Variants in ATP1A1 observed in about 807,000 individuals in gnomAD.
ATP1A1 encodes the protein ATPase Na+/K+ transporting subunit alpha 1, also known as sodium/potassium-transporting ATPase subunit alpha-1.
In ATP1A1, 14 loss-of-function variants were observed where a neutral mutation model predicts 114.8. The ratio of observed to expected loss-of-function variants is 0.12; its 90% CI spans 0.08 to 0.19. The LOEUF is 0.19. Among genes scored for constraint, ATP1A1 ranks in the 10% least tolerant of loss-of-function variants. ATP1A1 has a pLI of 1.00. For synonymous variants in ATP1A1, 471 were observed against 466.3 expected, an observed-to-expected ratio of 1.01 and a Z score of -0.13; for missense variants, 524 against 1,290.7, an observed-to-expected ratio of 0.41 and a Z score of 9.10.
chr1:116,383,983 A>G, intron 1 of ATP1A1, 31 bp from the exon 2 acceptor site: 1 of 1,579,506 alleles, frequency 6.3e-7, no homozygotes, highest in Non-Finnish European at 8.7e-7. Flanking sequence ...TTCATAATTC[A>G]TGGCCTCACT....
chr1:116,396,453 T>C (rs1652940934), intron 13 of ATP1A1, 145 bp from the exon 14 acceptor site: 1 of 1,038,398 alleles, frequency 9.6e-7, no homozygotes, highest in African/African-American at 1.7e-5. Context: ...GGCTAATCGA[T>C]GTTTATTAGT....
In ATP1A1 at chr1:116,387,628, T is replaced by G; in HGVS notation, c.387+137T>G. ...TTACTTAATGGTTATGAACAGCTGTTGCCTTCAAGGCTCATCCATTCTTCC... is the reference window on the plus strand; with the variant it reads ...TTACTTAATGGTTATGAACAGCTGTGGCCTTCAAGGCTCATCCATTCTTCC... On this transcript the variant is annotated intron_variant, in intron 4 of 22. Transcript: ENST00000295598. This position sits in a 1 kb window ranked among gnomAD's most constrained non-coding sequence, Gnocchi z 6.7. 1.5e-5 allele frequency: 14 copies of G among 937,394 alleles called. No homozygotes were observed. Among genetic ancestry groups the G allele is most frequent in the Non-Finnish European group, 2.0e-5 (13 of 634,160 alleles). 58.1% of individuals were successfully genotyped at this position (937,394 alleles called of 1,614,324 possible).
At chr1:116,373,638 G>A (rs1004802236) in intron 1 of ATP1A1, 115 bp downstream of exon 1, 6 of 1,196,294 alleles carry the variant, frequency 5.0e-6, no homozygotes, top group Middle Eastern at 2.5e-4. Context: ...GCGGCGCCGC[G>A]TGGAGTGGGC....
In ATP1A1 at chr1:116,389,745, CTTGCACGAATG is replaced by C. The variant is rs1382300414; in HGVS notation, c.1023+41_1023+51del. The C allele has an allele frequency of 6.2e-7, 1 of 1,610,998 alleles. No homozygotes were observed. Among genetic ancestry groups the C allele is most frequent in the African/African-American group, 1.3e-5 (1 of 74,880 alleles). ...TGATGGTCACCCTGACTCAGATCAG[CTTGCACGAATG>C]TTACACTCTTCCGCTATCCTATTCT... On this transcript the variant is annotated intron_variant, in intron 8 of 22. Transcript: ENST00000295598. The surrounding 1 kb of genome is among the most constrained non-coding windows in gnomAD (Gnocchi z 6.9).
chr1:116,390,060 T>TGA lies in ATP1A1; in HGVS notation c.1024-152_1024-151insAG, dbSNP rs1293301040. ...TTTCTGGAAGGAAGGGGAAGCCTCA[T>TGA]GTATGGGTTCCCCTTATTATTTCTT... On this transcript the variant is annotated intron_variant, in intron 8 of 22. Coordinates refer to ENST00000295598, the MANE Select transcript of ATP1A1 (RefSeq NM_000701.8). The TGA allele has an allele frequency of 2.5e-5, 20 of 802,940 alleles. No individual in the cohort carries two copies. In the African/African-American group the frequency reaches 3.3e-4, roughly 13 times the overall value. The allele number at this position is 802,940 out of a possible 1,614,324, so 49.7% of individuals were successfully genotyped here.
chr1:116,376,226 T>C (rs1419253955), intron 1 of ATP1A1, among the ~76,000 whole-genome samples: 1 of 152,176 alleles, frequency 6.6e-6, no homozygotes, highest in East Asian at 1.9e-4. Context: ...AAATAAATCA[T>C]AGCTTATGAG....
At chr1:116,380,247 T>A (rs189097709) in intron 1 of ATP1A1, among the ~76,000 whole-genome samples, 86 of 152,344 alleles carry the variant, frequency 5.6e-4, no homozygotes, top group African/African-American at 2.0e-3. Flanking sequence ...ATTGGCAGAC[T>A]CAACACCATT....
chr1:116,380,024 G>A (rs766812698), intron 1 of ATP1A1, among the ~76,000 whole-genome samples: 7 of 152,180 alleles, frequency 4.6e-5, no homozygotes, highest in African/African-American at 1.4e-4. Flanking sequence ...CTTCTTGCCC[G>A]TCAAAAGCTT....
In ATP1A1 at chr1:116,397,285, G is replaced by A. The variant is rs12132483; in HGVS notation, c.1973+551G>A. On this transcript the variant is annotated intron_variant, in intron 14 of 22. Transcript: ENST00000295598. This position sits in a 1 kb window ranked among gnomAD's most constrained non-coding sequence, Gnocchi z 4.2. ...TATGTTACGGTTAGAGGAGGGTTTG[G>A]TCTTGTATCAGCTCTGCCACTTTCT... Among the ~76,000 whole-genome samples, 1,347 of 152,224 alleles carry A rather than the reference G, an allele frequency of 8.8e-3. 7 individuals are homozygous for A. Among genetic ancestry groups the A allele is most frequent in the African/African-American group, 0.017 (714 of 41,534 alleles).
Position 116,389,714 on chromosome 1 carries a change from G to A in ATP1A1, c.1023+7G>A. The stretch of plus-strand genomic sequence containing the variant: ...TTTGCTGGCCACTGTCACGGTAAGA[G>A]GCAGGTGATGGTCACCCTGACTCAG... On this transcript the variant is annotated splice_region_variant and intron_variant, in intron 8 of 22. Coordinates refer to ENST00000295598, the MANE Select transcript of ATP1A1 (RefSeq NM_000701.8). The surrounding 1 kb of genome is among the most constrained non-coding windows in gnomAD (Gnocchi z 6.9). The A allele has an allele frequency of 6.2e-7, 1 of 1,613,916 alleles. No individual in the cohort carries two copies.
chr1:116,403,458 C>T (rs1653695331), intron 21 of ATP1A1, among the ~76,000 whole-genome samples: 1 of 152,186 alleles, frequency 6.6e-6, no homozygotes, highest in Non-Finnish European at 1.5e-5. Context: ...CTGGTTTTGA[C>T]CCACACTGGC....
At chr1:116,377,996 C>T (rs988055859) in intron 1 of ATP1A1, among the ~76,000 whole-genome samples, 9 of 152,184 alleles carry the variant, frequency 5.9e-5, no homozygotes, top group Non-Finnish European at 8.8e-5. Flanking sequence ...AACTTTCTCA[C>T]GTTGCTATGA....
chr1:116,387,329 T>A lies in ATP1A1; in HGVS notation c.225T>A (p.Asp75Glu). ...SARAAEILAR[D>E]GPNALTPPPT... ...GTGCAGCTGAGATCCTGGCGCGAGA[T>A]GGTCCCAACGCCCTCACTCCCCCTC... The change falls in exon 4 of 23, where the codon GAT becomes GAA. Residue 75 changes from aspartate (D) to glutamate (E), a missense_variant. This residue lies in a region of ATP1A1 where 141 missense variants were observed against 316.6 expected (regional missense o/e 0.45). Transcript: ENST00000295598. This position sits in a 1 kb window ranked among gnomAD's most constrained non-coding sequence, Gnocchi z 6.7. The A allele has an allele frequency of 6.2e-7, 1 of 1,614,206 alleles. No homozygotes were observed. The highest frequency in any genetic ancestry group is 1.1e-5 in the South Asian group (1 of 91,082).
At chr1:116,403,752 AGTT>A (rs1415172933) in intron 21 of ATP1A1, 129 bp from the exon 22 acceptor site, 1 of 728,866 alleles carries the variant, frequency 1.4e-6, no homozygotes, top group Admixed American at 2.4e-5. Flanking sequence ...ATGACTCAGT[AGTT>A]AACTGTGACT....
At position 116,385,071 on chromosome 1, in the gene ATP1A1, G is replaced by T. The variant is rs1651995694; in HGVS notation, c.183+229G>T. On this transcript the variant is annotated intron_variant, in intron 3 of 22. Transcript: ENST00000295598. This position sits in a 1 kb window ranked among gnomAD's most constrained non-coding sequence, Gnocchi z 4.3. ...ATTTTCTTTTCCCTATTTTATAGCAGTTGAGAGCCAGTAAGTGGGAACACC... is the reference window on the plus strand; with the variant it reads ...ATTTTCTTTTCCCTATTTTATAGCATTTGAGAGCCAGTAAGTGGGAACACC... The T allele has an allele frequency of 2.1e-6, 1 of 480,576 alleles. No individual in the cohort carries two copies. Among genetic ancestry groups the T allele is most frequent in the Admixed American group, 4.3e-5 (1 of 23,154 alleles). The allele number at this position is 480,576 out of a possible 1,614,324, so 29.8% of individuals were successfully genotyped here. A position where few individuals can be genotyped will look rare whatever the true frequency, so the allele number is the denominator to read the frequency against.
chr1:116,390,529 C>CTTTTTTTTTT (rs1261190970), intron 9 of ATP1A1, 118 bp downstream of exon 9: 42 of 911,690 alleles, frequency 4.6e-5, no homozygotes, highest in African/African-American at 3.4e-4. Context: ...CTTTTTCTTT[C>CTTTTTTTTTT]TTTTTTGTTT....
chr1:116,397,706 T>C lies in ATP1A1; in HGVS notation c.1974-182T>C, dbSNP rs1653047262. On this transcript the variant is annotated intron_variant, in intron 14 of 22. Transcript: ENST00000295598. The surrounding 1 kb of genome is among the most constrained non-coding windows in gnomAD (Gnocchi z 4.2). ...ATCATGAGCCTCAAATGAGATAAAA[T>C]ATATGAAAATGCTCTGTAACCTGTA... is the stretch of plus-strand genomic sequence containing the variant. Among the ~76,000 whole-genome samples, 2 of 152,166 alleles carry C rather than the reference T, an allele frequency of 1.3e-5. No individual in the cohort carries two copies. The highest frequency in any genetic ancestry group is 4.8e-5 in the African/African-American group (2 of 41,446).
In ATP1A1 at chr1:116,381,401, ATTAAG is replaced by A. The variant is rs1651733504; in HGVS notation, c.13-2609_13-2605del. Among the ~76,000 whole-genome samples, 1 of 152,240 alleles carries A rather than the reference ATTAAG, an allele frequency of 6.6e-6. No individual in the cohort carries two copies. The highest frequency in any genetic ancestry group is 2.1e-4 in the South Asian group (1 of 4,830). On this transcript the variant is annotated intron_variant, in intron 1 of 22. Transcript: ENST00000295598. This position sits in a 1 kb window ranked among gnomAD's most constrained non-coding sequence, Gnocchi z 5.1. Reference sequence around the variant, plus strand: ...TTGGTTCCCACAAGAATAAGCTAATATTAAGTTATTATTTTACTTGTGGAGAAGAA... The same window carrying A: ...TTGGTTCCCACAAGAATAAGCTAATATTATTATTTTACTTGTGGAGAAGAA...
intron 3 of ATP1A1, among the ~76,000 whole-genome samples, chr1:116,386,348 C>A (rs1008074314): frequency 6.6e-6 from 1 of 152,022 alleles, no homozygotes; most frequent in Non-Finnish European, 1.5e-5. Flanking sequence ...TCTCTCCGAC[C>A]TATGCCCATT....
Sources: allele counts gnomAD v4.1 joint callset (sites outside exome capture counted in the v4.1 genomes callset), GRCh38; gene constraint gnomAD v4.1.1; regional missense constraint gnomAD v4.1.1; non-coding constraint Gnocchi (gnomAD v3.1); transcripts MANE v1.5; gene names NCBI Gene and HGNC (gene_info 2026-07-23, HGNC 2026-07-21).